The following ABCC11 variants were observed in gnomAD, a reference collection of about 807,000 sequenced individuals.
ABCC11 encodes ATP-binding cassette sub-family C member 11.
Under a neutral mutation model 149.3 loss-of-function variants are expected in ABCC11, and 135 were observed. The ratio of observed to expected loss-of-function variants is 0.90; its 90% CI spans 0.79 to 1.04. The LOEUF (loss-of-function observed/expected upper bound fraction) is 1.04, where lower values mean the gene tolerates loss of function less well. ABCC11 is among the 50% of genes least tolerant of loss of function. The pLI is 0.00. For synonymous variants in ABCC11, 665 were observed against 671.4 expected, an observed-to-expected ratio of 0.99 and a Z score of 0.15; for missense variants, 1,680 against 1,722.1, an observed-to-expected ratio of 0.98 and a Z score of 0.43.
chr16:48,205,559 C>T (rs1968366032), intron 12 of ABCC11, 22 bp from the exon 13 acceptor site: 9 of 1,612,180 alleles, frequency 5.6e-6, no homozygotes, highest in Non-Finnish European at 7.6e-6. Context: ...TGAGTCCAGC[C>T]TCAGGACCAA....
In ABCC11 at chr16:48,184,425, G is replaced by A; in HGVS notation, c.3258+15C>T. The A allele has an allele frequency of 6.2e-7, 1 of 1,611,454 alleles. No individual in the cohort carries two copies. The highest frequency in any genetic ancestry group is 1.1e-5 in the South Asian group (1 of 90,622). On this transcript the variant is annotated intron_variant, in intron 23 of 29. Transcript: ENST00000356608. ...GCAAAGCTCAGAGAGGGCCCACACA[G>A]AGTCACCCCCTCACCTGCAGCACGA...
Position 48,166,102 on chromosome 16 carries a change from T to C in ABCC11, c.*1172A>G, listed in dbSNP as rs1432535215. Among the ~76,000 whole-genome samples the C allele has an allele frequency of 6.6e-6, 1 of 152,236 alleles. No individual in the cohort carries two copies. Among genetic ancestry groups the C allele is most frequent in the African/African-American group, 2.4e-5 (1 of 41,464 alleles). ...TCTTCCCTCAGGCACAATTTTACTT[T>C]GGTGAAACAACCTCTTCTATTCTCA... On this transcript the variant is annotated 3_prime_UTR_variant, in exon 30 of 30. Transcript: ENST00000356608.
At chr16:48,206,764 C>T (rs924373944) in intron 12 of ABCC11, among the ~76,000 whole-genome samples, 7 of 152,196 alleles carry the variant, frequency 4.6e-5, no homozygotes, top group African/African-American at 1.4e-4. Flanking sequence ...TGGGACTCAG[C>T]CCTGGCTCAC....
At chr16:48,214,736 A>G (rs1463525688) in intron 9 of ABCC11, 145 bp downstream of exon 9, 6 of 1,150,590 alleles carry the variant, frequency 5.2e-6, no homozygotes, top group Non-Finnish European at 4.9e-6. Context: ...GGAAGACAGC[A>G]CTGTACTTTT....
chr16:48,201,459 T>C (rs1967964050), intron 14 of ABCC11, among the ~76,000 whole-genome samples: 2 of 146,478 alleles, frequency 1.4e-5, no homozygotes, highest in Admixed American at 1.4e-4. Context: ...TTTTTAAACC[T>C]TTTTTTTTCT....
At chr16:48,243,001 G>A (rs1427084140) in intron 1 of ABCC11, among the ~76,000 whole-genome samples, 1 of 151,574 alleles carries the variant, frequency 6.6e-6, no homozygotes, top group African/African-American at 2.4e-5. Flanking sequence ...GTATACATAT[G>A]TAACAAACCT....
At chr16:48,186,864 A>C in intron 22 of ABCC11, 89 bp downstream of exon 22, 1 of 1,495,026 alleles carries the variant, frequency 6.7e-7, no homozygotes, top group Non-Finnish European at 9.1e-7. Context: ...GCTTTTGAAG[A>C]TGATGCCACT....
chr16:48,232,569 A>C (rs11866225), intron 1 of ABCC11, among the ~76,000 whole-genome samples: 19,905 of 152,070 alleles, frequency 0.13, 1,621 homozygotes, highest in African/African-American at 0.23. Context: ...AAAAAATATG[A>C]CTTTCATATT....
rs1469358731 is a variant in ABCC11, at chr16:48,170,959, AG to A, written c.3706del (p.Leu1236Ter). 6.2e-7 allele frequency: 1 copy of A among 1,612,740 alleles called. No individual in the cohort carries two copies. The highest frequency in any genetic ancestry group is 1.1e-5 in the South Asian group (1 of 91,046). On this transcript the variant is annotated frameshift_variant, in exon 27 of 30. Transcript: ENST00000356608. LOFTEE classifies it high-confidence loss of function. The stretch of plus-strand genomic sequence containing the variant: ...GTCAGTGTGACGGTCAAAGGGATCT[AG>A]GTTGAATCTACCATATGAGAGAAAG... ...VLLSGTIRFNLDPFDRHTDQQ... is the reference protein window; with the variant it reads ...VLLSGTIRFNXDPFDRHTDQQ...
In ABCC11 at chr16:48,222,877, C is replaced by T. The variant is rs775419055; in HGVS notation, c.544-46G>A. 6 of 1,501,210 alleles carry T rather than the reference C, an allele frequency of 4.0e-6. No individual in the cohort carries two copies. The Admixed American group carries it at 7.0e-5, about 18-fold the overall frequency. The allele number at this position is 1,501,210 out of a possible 1,614,324, so 93.0% of individuals were successfully genotyped here. A position where few individuals can be genotyped will look rare whatever the true frequency, so the allele number is the denominator to read the frequency against. On this transcript the variant is annotated intron_variant, in intron 5 of 29. Coordinates refer to ENST00000356608, the MANE Select transcript of ABCC11 (RefSeq NM_001370497.1). ...GGATCATTCAGACCACCCTGCCAGA[C>T]ACGTTTGATGTTTTGTTGCTGGAAG...
In ABCC11 at chr16:48,177,062, C is replaced by G; in HGVS notation, c.3400G>C (p.Gly1134Arg). 1.2e-6 allele frequency: 2 copies of G among 1,614,132 alleles called. No homozygotes were observed. The highest frequency in any genetic ancestry group is 1.7e-6 in the Non-Finnish European group (2 of 1,180,020). ...ATGATTTCCCCATGCTGTGGCCACC[C>G]CTGGGGACAACTTGTGCCTTCCATG... ...LHMEGTSCPQGWPQHGEIIFQ... is the reference protein window; with the variant it reads ...LHMEGTSCPQRWPQHGEIIFQ... Residue 1134 changes from glycine (G) to arginine (R), a missense_variant, in exon 25 of 30, where the codon GGG (glycine) becomes CGG (arginine). Gly to Arg is a moderately radical substitution (Grantham distance 125). Transcript: ENST00000356608.
intron 1 of ABCC11, among the ~76,000 whole-genome samples, chr16:48,240,775 A>AAATG (rs935797095): frequency 2.6e-5 from 4 of 152,042 alleles, no homozygotes; most frequent in African/African-American, 9.7e-5. Flanking sequence ...ATAAATAAAT[A>AAATG]TGAAATTATC....
In ABCC11 at chr16:48,178,706, T is replaced by TCGGG; in HGVS notation, c.3259-24_3259-21dup. 6.2e-7 allele frequency: 1 copy of TCGGG among 1,612,442 alleles called. No individual in the cohort carries two copies. Among genetic ancestry groups the TCGGG allele is most frequent in the Non-Finnish European group, 8.5e-7 (1 of 1,178,622 alleles). ...CGCCAGCTAGAAGGAAGGAGAAGTA[T>TCGGG]CGGGGGTCAAGAGGCTGCTGGGGTG... is the stretch of plus-strand genomic sequence containing the variant. On this transcript the variant is annotated intron_variant, in intron 23 of 29. Coordinates refer to ENST00000356608, the MANE Select transcript of ABCC11 (RefSeq NM_001370497.1).
rs768110356 is a variant in ABCC11 at position 48,198,289 on chromosome 16, A to G, written c.2083-14T>C. The G allele has an allele frequency of 1.2e-5, 20 of 1,613,344 alleles. No homozygotes were observed. Among genetic ancestry groups the G allele is most frequent in the Non-Finnish European group, 1.7e-5 (20 of 1,179,452 alleles). ...AAATTCTAAGTACTGGACAGTCAAA[A>G]GAAAGAAAGGCTTCAGTAAGCACAT... On this transcript the variant is annotated splice_polypyrimidine_tract_variant and intron_variant, in intron 15 of 29. Transcript: ENST00000356608.
chr16:48,192,707 C>T lies in ABCC11; in HGVS notation c.2519G>A (p.Ser840Asn). The T allele has an allele frequency of 6.2e-7, 1 of 1,614,210 alleles. No homozygotes were observed. Among genetic ancestry groups the T allele is most frequent in the African/African-American group, 1.3e-5 (1 of 75,076 alleles). Residue 840 changes from serine (S) to asparagine (N), a missense_variant, in exon 20 of 30, where the codon AGC (serine) becomes AAC (asparagine). Transcript: ENST00000356608. ...WLEQGSGTNSSRESNGTMADL... is the reference protein window; with the variant it reads ...WLEQGSGTNSNRESNGTMADL... ...TGCCATGGTTCCATTGCTCTCTCGG[C>T]TGCTATTGGTCTTCAAGAAAGAACA...
chr16:48,244,761 A>G (rs1010706302), intron 1 of ABCC11: 45 of 517,056 alleles, frequency 8.7e-5, no homozygotes, highest in African/African-American at 8.1e-4. Context: ...TGGTGCTATC[A>G]CTTGCAAAAT....
intron 19 of ABCC11, 109 bp downstream of exon 19, chr16:48,193,770 C>T: frequency 1.1e-6 from 1 of 884,114 alleles, no homozygotes; most frequent in Non-Finnish European, 1.7e-6. Flanking sequence ...CTGGGCTTGT[C>T]ATGTGGGTCC....
chr16:48,183,352 G>T (rs181898353), intron 23 of ABCC11, among the ~76,000 whole-genome samples: 20 of 152,312 alleles, frequency 1.3e-4, no homozygotes, highest in Admixed American at 9.1e-4. Flanking sequence ...TTGGCCAGTC[G>T]CTCTCTCTCC....
chr16:48,195,130 T>A (rs1287323475), intron 18 of ABCC11, among the ~76,000 whole-genome samples: 1 of 152,208 alleles, frequency 6.6e-6, no homozygotes, highest in East Asian at 1.9e-4. Flanking sequence ...GGCTATCTCT[T>A]CTTTGATGAG....
Sources: allele counts gnomAD v4.1 joint callset (sites outside exome capture counted in the v4.1 genomes callset), GRCh38; gene constraint gnomAD v4.1.1; transcripts MANE v1.5; gene names NCBI Gene and HGNC (gene_info 2026-07-23, HGNC 2026-07-21).